BCKDHB: variants seen among roughly 807,000 people sequenced by gnomAD.
BCKDHB encodes branched chain keto acid dehydrogenase E1 subunit beta, also known as 2-oxoisovalerate dehydrogenase subunit beta, mitochondrial.
In BCKDHB, 41 loss-of-function variants were observed where a neutral mutation model predicts 48.5. That is an observed-to-expected ratio of 0.85 (90% CI 0.66 to 1.10). The LOEUF (loss-of-function observed/expected upper bound fraction) is 1.10. Among genes scored for constraint, BCKDHB ranks in the 50% least tolerant of loss-of-function variants. The pLI is 0.00. For synonymous variants in BCKDHB, 201 were observed against 174.8 expected (o/e 1.15, Z -1.18); for missense variants, 496 against 494.2 (o/e 1.00, Z -0.03).
intron 1 of BCKDHB, among the ~76,000 whole-genome samples, chr6:80,110,090 G>A (rs997735199): frequency 6.6e-6 from 1 of 152,192 alleles, no homozygotes; most frequent in Non-Finnish European, 1.5e-5. Flanking sequence ...CTTAAAAGGA[G>A]GTAGTCAGAT....
intron 8 of BCKDHB, among the ~76,000 whole-genome samples, chr6:80,251,953 G>A (rs1335011229): frequency 6.6e-6 from 1 of 152,192 alleles, no homozygotes; most frequent in Non-Finnish European, 1.5e-5. Context: ...GAGAATATGA[G>A]TTGACACAGA....
the BCKDHB span, among the ~76,000 whole-genome samples, chr6:80,444,206 A>C: frequency 6.6e-6 from 1 of 151,986 alleles, no homozygotes; most frequent in Non-Finnish European, 1.5e-5. Flanking sequence ...TTGTATGCCA[A>C]GATTTAAAAA....
chr6:80,426,933 A>T, the BCKDHB span, among the ~76,000 whole-genome samples: 2 of 152,076 alleles, frequency 1.3e-5, no homozygotes. Flanking sequence ...AAAATCTTTA[A>T]ACTATAATTT....
the BCKDHB span, among the ~76,000 whole-genome samples, chr6:80,460,760 G>T: frequency 6.6e-6 from 1 of 152,144 alleles, no homozygotes; most frequent in African/African-American, 2.4e-5. Context: ...GAACAAGACT[G>T]ATCTTGGCTT....
chr6:80,176,284 G>A (rs903489551), intron 6 of BCKDHB, among the ~76,000 whole-genome samples: 3 of 152,178 alleles, frequency 2.0e-5, no homozygotes, highest in African/African-American at 7.2e-5. Flanking sequence ...GTGTGTGATT[G>A]TGTGTGTGCT....
intron 8 of BCKDHB, among the ~76,000 whole-genome samples, chr6:80,212,265 G>C (rs190896495): frequency 5.9e-5 from 9 of 152,218 alleles, no homozygotes; most frequent in Non-Finnish European, 1.2e-4. Flanking sequence ...GCGTATCTCA[G>C]TCCTTATCTC....
chr6:80,206,931 A>G (rs1308065193), intron 8 of BCKDHB, among the ~76,000 whole-genome samples: 1 of 152,088 alleles, frequency 6.6e-6, no homozygotes, highest in Non-Finnish European at 1.5e-5. Flanking sequence ...CTGTATGCAC[A>G]ATGGCATAAC....
chr6:80,121,077 A>G (rs540337091), intron 1 of BCKDHB, among the ~76,000 whole-genome samples: 4 of 152,328 alleles, frequency 2.6e-5, no homozygotes, highest in African/African-American at 7.2e-5. Flanking sequence ...AGCTTTCTAC[A>G]TATGGCTAGC....
chr6:80,302,511 A>G (rs1193200115), intron 9 of BCKDHB, among the ~76,000 whole-genome samples: 1 of 152,168 alleles, frequency 6.6e-6, no homozygotes, highest in Non-Finnish European at 1.5e-5. Flanking sequence ...TAATCATGAC[A>G]TAATCAACAT....
Position 80,343,772 on chromosome 6 carries a change from TATG to T in BCKDHB, c.1151_1153del (p.Asp384del). 1 of 1,613,974 alleles carries T rather than the reference TATG, an allele frequency of 6.2e-7. No homozygotes were observed. Among genetic ancestry groups the T allele is most frequent in the Non-Finnish European group, 8.5e-7 (1 of 1,179,960 alleles). ...CTACATCCCAGACAAATGGAAGTGT[TATG>T]ATGCCCTTCGAAAAATGATCAACTA... On this transcript the variant is annotated inframe_deletion, in exon 10 of 10. Transcript: ENST00000320393.
At chr6:80,222,748 G>GT (rs1467137550) in intron 8 of BCKDHB, among the ~76,000 whole-genome samples, 2 of 152,134 alleles carry the variant, frequency 1.3e-5, no homozygotes, top group African/African-American at 4.8e-5. Context: ...TGGAATCTCA[G>GT]TTTTTTAGGA....
chr6:80,332,750 G>A (rs925787072), intron 9 of BCKDHB, among the ~76,000 whole-genome samples: 1 of 149,218 alleles, frequency 6.7e-6, no homozygotes, highest in Admixed American at 6.7e-5. Context: ...CCTACCATAT[G>A]TTCACCATCA....
intron 6 of BCKDHB, among the ~76,000 whole-genome samples, chr6:80,173,201 T>C (rs1158899384): frequency 6.6e-6 from 1 of 152,140 alleles, no homozygotes; most frequent in Non-Finnish European, 1.5e-5. Flanking sequence ...CTTGAAAAAT[T>C]TGTCCTAGGC....
chr6:80,360,793 G>A, the BCKDHB span, among the ~76,000 whole-genome samples: 4 of 151,714 alleles, frequency 2.6e-5, no homozygotes, highest in Non-Finnish European at 5.9e-5. Flanking sequence ...CTCACTTGGG[G>A]TCAGGAGTTC....
the BCKDHB span, among the ~76,000 whole-genome samples, chr6:80,456,202 C>T: frequency 6.6e-6 from 1 of 150,766 alleles, no homozygotes; most frequent in Non-Finnish European, 1.5e-5. Flanking sequence ...GGAACAAGAG[C>T]GAAACTCCAT....
At chr6:80,445,916 A>G in the BCKDHB span, among the ~76,000 whole-genome samples, 1 of 152,218 alleles carries the variant, frequency 6.6e-6, no homozygotes, top group African/African-American at 2.4e-5. Context: ...AATAAATACC[A>G]TAGGCCATCT....
the BCKDHB span, among the ~76,000 whole-genome samples, chr6:80,442,352 T>C: frequency 1.3e-5 from 2 of 152,194 alleles, no homozygotes; most frequent in African/African-American, 2.4e-5. Flanking sequence ...TAGTAGACCA[T>C]CCTATTTCAC....
intron 8 of BCKDHB, among the ~76,000 whole-genome samples, chr6:80,229,000 A>G (rs1692657677): frequency 1.3e-5 from 2 of 152,200 alleles, no homozygotes; most frequent in South Asian, 4.1e-4. Flanking sequence ...ACTGAAACAC[A>G]ACAGAAGACA....
chr6:80,416,768 AT>A, the BCKDHB span, among the ~76,000 whole-genome samples: 4 of 118,128 alleles, frequency 3.4e-5, no homozygotes, highest in Non-Finnish European at 6.5e-5. Flanking sequence ...TTTTATTTTT[AT>A]TTTTATTTTT....
Sources: gnomAD v4.1 joint callset for allele counts (sites outside exome capture counted in the v4.1 genomes callset) on GRCh38, gnomAD v4.1.1 for gene constraint, MANE v1.5 for transcripts, NCBI Gene and HGNC (gene_info 2026-07-23, HGNC 2026-07-21) for gene names.